Variants in ACTR3C observed in about 807,000 individuals in gnomAD.
ACTR3C encodes actin-related protein 3C.
In ACTR3C, 18 loss-of-function variants were observed where a neutral mutation model predicts 26.3. The observed-to-expected ratio is 0.68, with a 90% CI of 0.47 to 1.01. The LOEUF (loss-of-function observed/expected upper bound fraction) is 1.01. Among genes scored for constraint, ACTR3C ranks in the 50% least tolerant of loss-of-function variants. The probability of loss-of-function intolerance (pLI) is 0.00; values close to 1 mark genes in which losing one functional copy is unlikely to be tolerated. For synonymous variants in ACTR3C, 55 were observed against 94.5 expected, an observed-to-expected ratio of 0.58 and a Z score of 2.42; for missense variants, 184 against 250.7, an observed-to-expected ratio of 0.73 and a Z score of 1.80.
the ACTR3C span, among the ~76,000 whole-genome samples, chr7:150,184,062 A>T: frequency 6.6e-6 from 1 of 150,576 alleles, no homozygotes; most frequent in Non-Finnish European, 1.5e-5. Flanking sequence ...TTTTCTTTAT[A>T]AATTGCTCAG....
the ACTR3C span, among the ~76,000 whole-genome samples, chr7:150,123,917 T>G: frequency 6.6e-6 from 1 of 152,042 alleles, no homozygotes; most frequent in Non-Finnish European, 1.5e-5. Flanking sequence ...AAGGCTGAGC[T>G]CTCCTGGTGG....
chr7:150,029,397 C>CGA, the ACTR3C span, among the ~76,000 whole-genome samples: 2 of 35,414 alleles, frequency 5.6e-5, no homozygotes, highest in Non-Finnish European at 1.1e-4. Context: ...CAATCTTTAT[C>CGA]AAAAACAAAA....
chr7:149,953,067 C>G, the ACTR3C span, among the ~76,000 whole-genome samples: 1 of 149,860 alleles, frequency 6.7e-6, no homozygotes, highest in African/African-American at 2.5e-5. Context: ...TATCTAGTAG[C>G]TAAATCTGTG....
At chr7:150,032,257 G>A in the ACTR3C span, among the ~76,000 whole-genome samples, 1 of 152,210 alleles carries the variant, frequency 6.6e-6, no homozygotes, top group Non-Finnish European at 1.5e-5. Flanking sequence ...CTGCTTTGGA[G>A]GTGACAGCAT....
chr7:150,306,337 G>A (rs1251895963), intron 1 of ACTR3C, among the ~76,000 whole-genome samples: 1 of 151,990 alleles, frequency 6.6e-6, no homozygotes, highest in East Asian at 1.9e-4. Context: ...GTCCCTCTAA[G>A]TAAAGCAAGA....
chr7:150,158,791 T>TAC, the ACTR3C span, among the ~76,000 whole-genome samples: 4 of 151,748 alleles, frequency 2.6e-5, no homozygotes, highest in African/African-American at 4.8e-5. Context: ...TCATCACACA[T>TAC]ACACACACAC....
chr7:150,012,204 T>C, the ACTR3C span, among the ~76,000 whole-genome samples: 2 of 152,036 alleles, frequency 1.3e-5, no homozygotes, highest in Non-Finnish European at 2.9e-5. Context: ...AAGAAGCTCT[T>C]TTTTTTTCTT....
chr7:150,178,280 CTT>C, the ACTR3C span, among the ~76,000 whole-genome samples: 726 of 125,012 alleles, frequency 5.8e-3, 13 homozygotes, highest in Non-Finnish European at 6.6e-3. Flanking sequence ...AACAGGAATA[CTT>C]TTTTTTTTTT....
chr7:150,182,298 G>A, the ACTR3C span, among the ~76,000 whole-genome samples: 7 of 150,842 alleles, frequency 4.6e-5, no homozygotes, highest in Admixed American at 2.6e-4. Flanking sequence ...CTGCATTCTC[G>A]CCCCAGCAAC....
chr7:149,953,294 G>T, the ACTR3C span, among the ~76,000 whole-genome samples: 2 of 149,478 alleles, frequency 1.3e-5, no homozygotes, highest in African/African-American at 2.6e-5. Context: ...ATCCCAGAAA[G>T]AATTTTGCCA....
chr7:150,290,821 C>T (rs1836188579), intron 3 of ACTR3C, among the ~76,000 whole-genome samples: 2 of 152,178 alleles, frequency 1.3e-5, no homozygotes, highest in Admixed American at 1.3e-4. Flanking sequence ...AACACATAAA[C>T]TATTCACAAT....
intron 4 of ACTR3C, among the ~76,000 whole-genome samples, chr7:150,287,149 T>G (rs1350223164): frequency 6.6e-6 from 1 of 151,536 alleles, no homozygotes; most frequent in Non-Finnish European, 1.5e-5. Flanking sequence ...CTGGGTATTC[T>G]AAGTCCCTCA....
At chr7:150,164,937 ATTTCT>A in the ACTR3C span, among the ~76,000 whole-genome samples, 1 of 152,096 alleles carries the variant, frequency 6.6e-6, no homozygotes, top group Non-Finnish European at 1.5e-5. Context: ...TTGAGCTATT[ATTTCT>A]TTTCACCTCA....
At chr7:150,005,704 A>G in the ACTR3C span, among the ~76,000 whole-genome samples, 2 of 152,164 alleles carry the variant, frequency 1.3e-5, no homozygotes, top group Admixed American at 1.3e-4. Context: ...CAGATTCACC[A>G]GCTTCTGCTC....
the ACTR3C span, among the ~76,000 whole-genome samples, chr7:150,199,090 C>CCCG: frequency 3.3e-5 from 5 of 150,700 alleles, no homozygotes; most frequent in Admixed American, 1.3e-4. Flanking sequence ...CGGCCGCCCC[C>CCCG]CCGTCTGGGA....
chr7:150,247,417 C>A lies in ACTR3C; in HGVS notation c.*191G>T, dbSNP rs1350404687. 2.0e-5 allele frequency: 3 copies of A among 149,908 alleles called. No individual in the cohort carries two copies. Among genetic ancestry groups the A allele is most frequent in the Non-Finnish European group, 3.0e-5 (2 of 67,666 alleles). The allele number at this position is 149,908 out of a possible 1,614,324, so 9.3% of individuals were successfully genotyped here. On this transcript the variant is annotated 3_prime_UTR_variant, in exon 8 of 8. Transcript: ENST00000683684. ...AGTAAGGATGCAACAGTTTGTGGTT[C>A]TCTAGAGAGCTTTGCCACCAGTTTT...
chr7:149,939,858 G>A, the ACTR3C span, among the ~76,000 whole-genome samples: 1 of 147,108 alleles, frequency 6.8e-6, no homozygotes, highest in African/African-American at 2.5e-5. Flanking sequence ...CCATTTGAAA[G>A]AACCTCACAC....
chr7:150,240,166 T>C (rs192675863), downstream of ACTR3C, among the ~76,000 whole-genome samples: 18 of 152,250 alleles, frequency 1.2e-4, no homozygotes, highest in Non-Finnish European at 1.8e-4. Flanking sequence ...ACATTTAGCA[T>C]ATGAGTTATC....
chr7:150,193,692 T>C, the ACTR3C span, among the ~76,000 whole-genome samples: 1,504 of 152,082 alleles, frequency 9.9e-3, 20 homozygotes, highest in African/African-American at 0.034. Context: ...TTTAGAAACA[T>C]GTTTAATTCC....
Sources: gnomAD v4.1 joint callset for allele counts (sites outside exome capture counted in the v4.1 genomes callset) on GRCh38, gnomAD v4.1.1 for gene constraint, MANE v1.5 for transcripts, NCBI Gene and HGNC (gene_info 2026-07-23, HGNC 2026-07-21) for gene names.